C1orf94: variants seen among roughly 807,000 people sequenced by gnomAD.
C1orf94 encodes the protein chromosome 1 open reading frame 94.
A neutral mutation model predicts 53.6 loss-of-function variants in C1orf94; 45 were observed. The ratio of observed to expected loss-of-function variants is 0.84; its 90% CI spans 0.66 to 1.08. The LOEUF is 1.08. C1orf94 is among the 50% of genes least tolerant of loss of function. The pLI, the probability that C1orf94 is intolerant of heterozygous loss-of-function variation, is 0.00. For synonymous variants in C1orf94, 304 were observed against 296.1 expected (o/e 1.03, Z -0.27); for missense variants, 762 against 738.9 (o/e 1.03, Z -0.36).
rs1333469823 is a variant in C1orf94 at position 34,177,343 on chromosome 1, G to C, written c.-447G>C. ...CCCCCGAGTGCCTACAATGGTGCCA[G>C]GCCCGCACCCAGTCCTCCGCGTGGC... On this transcript the variant is annotated 5_prime_UTR_variant, in exon 1 of 7. Coordinates refer to ENST00000488417, the MANE Select transcript of C1orf94 (RefSeq NM_001134734.2). 6.6e-6 allele frequency among the ~76,000 whole-genome samples: 1 copy of C among 152,212 alleles called. No homozygotes were observed.
chr1:34,174,486 T>A (rs1642192638), upstream of C1orf94, among the ~76,000 whole-genome samples: 2 of 152,118 alleles, frequency 1.3e-5, no homozygotes, highest in South Asian at 4.1e-4. Flanking sequence ...TGTGACTGTA[T>A]TTGGAGATGA....
chr1:34,212,051 C>T (rs1642897424), intron 5 of C1orf94, among the ~76,000 whole-genome samples, 159 bp from the exon 6 acceptor site: 1 of 152,046 alleles, frequency 6.6e-6, no homozygotes, highest in Non-Finnish European at 1.5e-5. Context: ...AGGCTCACTA[C>T]ATAAGTTGAG....
chr1:34,203,939 G>A (rs1557487144), intron 4 of C1orf94, among the ~76,000 whole-genome samples: 1 of 152,156 alleles, frequency 6.6e-6, no homozygotes, highest in Non-Finnish European at 1.5e-5. Flanking sequence ...GATTCTCCAT[G>A]CCTAAGATTT....
At chr1:34,193,662 C>A (rs2148616252) in intron 1 of C1orf94, among the ~76,000 whole-genome samples, 1 of 152,334 alleles carries the variant, frequency 6.6e-6, no homozygotes, top group South Asian at 2.1e-4. Flanking sequence ...CAGGGTCATT[C>A]TTCCCATATG....
At chr1:34,176,317 C>T (rs1642225541), upstream of C1orf94, among the ~76,000 whole-genome samples, 2 of 152,132 alleles carry the variant, frequency 1.3e-5, no homozygotes, top group African/African-American at 4.8e-5. Context: ...AGGGGAATTG[C>T]TAGAGAAGCA....
At chr1:34,217,892 T>A (rs1245139877) in intron 6 of C1orf94, among the ~76,000 whole-genome samples, 1 of 152,228 alleles carries the variant, frequency 6.6e-6, no homozygotes, top group East Asian at 1.9e-4. Flanking sequence ...TTGTATTGAG[T>A]TCTGTTCCCA....
chr1:34,180,880 T>C (rs910218531), intron 1 of C1orf94, among the ~76,000 whole-genome samples: 14 of 152,218 alleles, frequency 9.2e-5, no homozygotes, highest in Non-Finnish European at 1.9e-4. Flanking sequence ...CACCTATTTA[T>C]CATAGGAACC....
At position 34,197,683 on chromosome 1, in the gene C1orf94, T is replaced by A; in HGVS notation, c.779T>A (p.Leu260Gln). 1 of 1,614,136 alleles carries A rather than the reference T, an allele frequency of 6.2e-7. No individual in the cohort carries two copies. Among genetic ancestry groups the A allele is most frequent in the Non-Finnish European group, 8.5e-7 (1 of 1,180,030 alleles). Residue 260 changes from leucine to glutamine, a missense_variant, in exon 2 of 7, where the codon CTG becomes CAG. Coordinates refer to ENST00000488417, the MANE Select transcript of C1orf94 (RefSeq NM_001134734.2). The surrounding 1 kb of genome is among the most constrained non-coding windows in gnomAD (Gnocchi z 4.1). ...TSKVPDNKNV[L>Q]DKTRVTKDFL... is the part of the protein sequence containing the mutation. ...AAGGTCCCTGACAACAAGAATGTGC[T>A]GGACAAGACAAGGGTCACCAAGGAC...
Position 34,186,666 on chromosome 1 carries a change from C to T in C1orf94, c.320+8557C>T, listed in dbSNP as rs182513202. ...CTACATGGGATAGATCTTTTGAGGA[C>T]GATAGAATGGAAGAATCTGTTTAAA... On this transcript the variant is annotated intron_variant, in intron 1 of 6. Transcript: ENST00000488417. 7.2e-5 allele frequency among the ~76,000 whole-genome samples: 11 copies of T among 152,246 alleles called. No individual in the cohort carries two copies. The East Asian group carries it at 9.7e-4, about 13-fold the overall frequency.
intron 1 of C1orf94, among the ~76,000 whole-genome samples, chr1:34,193,896 A>G (rs1642538322): frequency 6.6e-6 from 1 of 152,198 alleles, no homozygotes; most frequent in Admixed American, 6.5e-5. Context: ...TGTTCTTGAC[A>G]CACCAATGCC....
rs1471964119 is a variant in C1orf94 at position 34,218,786 on chromosome 1, C to G, written c.*25C>G. The stretch of plus-strand genomic sequence containing the variant: ...GATCTCCTCTTCTCCCTTCTCCTCC[C>G]TTAGCCCTTGGATCAGGACTAGGGG... On this transcript the variant is annotated 3_prime_UTR_variant, in exon 7 of 7. Transcript: ENST00000488417. 6.2e-7 allele frequency: 1 copy of G among 1,600,838 alleles called. No homozygotes were observed. The highest frequency in any genetic ancestry group is 8.5e-7 in the Non-Finnish European group (1 of 1,170,206).
At chr1:34,175,470 C>T, upstream of C1orf94, among the ~76,000 whole-genome samples, 1 of 152,142 alleles carries the variant, frequency 6.6e-6, no homozygotes, top group African/African-American at 2.4e-5. Flanking sequence ...AGGTTTTCTA[C>T]ATTCTTAACT....
chr1:34,197,264 G>T lies in C1orf94; in HGVS notation c.360G>T (p.Leu120Phe). Residue 120 changes from leucine (L) to phenylalanine (F), a missense_variant, in exon 2 of 7, where the codon TTG (leucine) becomes TTT (phenylalanine). Coordinates refer to ENST00000488417, the MANE Select transcript of C1orf94 (RefSeq NM_001134734.2). The surrounding 1 kb of genome is among the most constrained non-coding windows in gnomAD (Gnocchi z 4.1). ...GCAGTGGCAAAGATGAGATCTCCTT[G>T]TTGGTGGAACAGGAGTTCCTAAGCC... ...ELSSGKDEIS[L>F]LVEQEFLSLT... 6.5e-7 allele frequency: 1 copy of T among 1,548,744 alleles called. No individual in the cohort carries two copies. Among genetic ancestry groups the T allele is most frequent in the Non-Finnish European group, 8.7e-7 (1 of 1,145,136 alleles).
chr1:34,193,323 T>C (rs908016561), intron 1 of C1orf94, among the ~76,000 whole-genome samples: 1 of 152,128 alleles, frequency 6.6e-6, no homozygotes, highest in African/African-American at 2.4e-5. Context: ...ACATTTCTAT[T>C]TGTAAATTGG....
chr1:34,206,277 C>T (rs1403019432), intron 4 of C1orf94, among the ~76,000 whole-genome samples: 2 of 152,226 alleles, frequency 1.3e-5, no homozygotes, highest in Non-Finnish European at 2.9e-5. Flanking sequence ...GGGTGGATGG[C>T]ATGGCCCATG....
chr1:34,181,114 T>C (rs1642306204), intron 1 of C1orf94, among the ~76,000 whole-genome samples: 1 of 152,230 alleles, frequency 6.6e-6, no homozygotes, highest in Admixed American at 6.5e-5. Flanking sequence ...TTCCCATTGA[T>C]CTGGATTCTG....
At chr1:34,182,100 G>A (rs944587724) in intron 1 of C1orf94, among the ~76,000 whole-genome samples, 13 of 152,170 alleles carry the variant, frequency 8.5e-5, no homozygotes, top group Admixed American at 2.0e-4. Context: ...AGGGTGAAGC[G>A]AAAGGAACAC....
At chr1:34,195,484 G>A (rs934274992) in intron 1 of C1orf94, among the ~76,000 whole-genome samples, 4 of 152,106 alleles carry the variant, frequency 2.6e-5, no homozygotes, top group Non-Finnish European at 5.9e-5. Context: ...TTCCATGTGG[G>A]GGTAGAGAGG....
At chr1:34,175,309 G>A (rs1408610013), upstream of C1orf94, among the ~76,000 whole-genome samples, 1 of 151,938 alleles carries the variant, frequency 6.6e-6, no homozygotes, top group Admixed American at 6.6e-5. Flanking sequence ...GAATCCTGGG[G>A]CCTGGGCAGT....
Sources: gnomAD v4.1 joint callset for allele counts (sites outside exome capture counted in the v4.1 genomes callset) on GRCh38, gnomAD v4.1.1 for gene constraint, Gnocchi (gnomAD v3.1) non-coding constraint, MANE v1.5 for transcripts, NCBI Gene and HGNC (gene_info 2026-07-23, HGNC 2026-07-21) for gene names.